CSGALNACT1: variants seen among roughly 807,000 people sequenced by gnomAD.
CSGALNACT1 encodes the protein chondroitin sulfate N-acetylgalactosaminyltransferase 1, also known as beta4GalNAcT-1.
A neutral mutation model predicts 51.0 loss-of-function variants in CSGALNACT1; 52 were observed. The ratio of observed to expected loss-of-function variants is 1.02; its 90% CI spans 0.82 to 1.29. The LOEUF is 1.29. Ranked by LOEUF, CSGALNACT1 falls within the 50% of genes most tolerant of loss-of-function variation. The pLI is 0.00. For missense variants in CSGALNACT1, 935 were observed against 679.2 expected (o/e 1.38, Z -4.19); for synonymous variants, 341 against 254.4 (o/e 1.34, Z -3.24).
intron 6 of CSGALNACT1, among the ~76,000 whole-genome samples, chr8:19,422,756 G>A (rs986865366): frequency 1.3e-5 from 2 of 152,302 alleles, no homozygotes; most frequent in East Asian, 3.9e-4. Context: ...GGTGTCTGCA[G>A]CCCCAGCTCC....
chr8:19,515,540 T>G (rs1425856347), intron 3 of CSGALNACT1, among the ~76,000 whole-genome samples: 1 of 152,114 alleles, frequency 6.6e-6, no homozygotes, highest in African/African-American at 2.4e-5. Flanking sequence ...AATAAACACA[T>G]AAGTGTAAAT....
In CSGALNACT1 at chr8:19,536,231, G is replaced by A. The variant is rs150961283; in HGVS notation, c.-296-30101C>T. Among the ~76,000 whole-genome samples the A allele has an allele frequency of 4.3e-3, 656 of 152,226 alleles. 3 individuals carry two copies. The highest frequency in any genetic ancestry group is 0.015 in the African/African-American group (623 of 41,532). ...ATCAATTTAACAAATATATCACTCT[G>A]GTTGGGAATGTTGTTAACAGGGGAG... On this transcript the variant is annotated intron_variant, in intron 3 of 9. Coordinates refer to ENST00000454498, the Ensembl canonical transcript of CSGALNACT1.
At chr8:19,419,399 T>C (rs1262760076) in intron 7 of CSGALNACT1, among the ~76,000 whole-genome samples, 3 of 152,200 alleles carry the variant, frequency 2.0e-5, no homozygotes, top group Admixed American at 2.0e-4. Context: ...TCTTAAATGG[T>C]TGACTTTGGG....
At chr8:19,685,986 G>T (rs952151721), upstream of CSGALNACT1, among the ~76,000 whole-genome samples, 18 of 152,182 alleles carry the variant, frequency 1.2e-4, no homozygotes, top group Admixed American at 9.8e-4. Context: ...AAACAATCGC[G>T]TAAGTACACA....
intron 6 of CSGALNACT1, among the ~76,000 whole-genome samples, chr8:19,435,159 C>G (rs1259432810): frequency 6.6e-6 from 1 of 152,182 alleles, no homozygotes; most frequent in East Asian, 1.9e-4. Flanking sequence ...TAAATGTCAA[C>G]TTACAATGTG....
At chr8:19,557,847 G>A (rs768332079) in intron 3 of CSGALNACT1, among the ~76,000 whole-genome samples, 5 of 152,114 alleles carry the variant, frequency 3.3e-5, no homozygotes, top group Admixed American at 1.3e-4. Context: ...TGTTCACCAC[G>A]CCATTCTTCT....
At chr8:19,605,301 T>A (rs2051210709), upstream of CSGALNACT1, among the ~76,000 whole-genome samples, 1 of 152,094 alleles carries the variant, frequency 6.6e-6, no homozygotes, top group South Asian at 2.1e-4. Flanking sequence ...CCGGGCATGG[T>A]GGCAGGCACC....
chr8:19,436,307 A>G (rs1307908810), intron 6 of CSGALNACT1, among the ~76,000 whole-genome samples: 2 of 152,148 alleles, frequency 1.3e-5, no homozygotes, highest in African/African-American at 4.8e-5. Context: ...AGGAGCGAGC[A>G]TATTAGAGTG....
intron 2 of CSGALNACT1, among the ~76,000 whole-genome samples, chr8:19,593,213 G>C (rs1026179589): frequency 1.3e-5 from 2 of 152,220 alleles, no homozygotes; most frequent in Non-Finnish European, 2.9e-5. Flanking sequence ...TCAATCAATA[G>C]TGTGATGGTA....
In CSGALNACT1 at chr8:19,513,415, A is replaced by ACTCTCTCTCT. The variant is rs1409555325; in HGVS notation, c.-296-7295_-296-7286dup. 4.2e-4 allele frequency among the ~76,000 whole-genome samples: 47 copies of ACTCTCTCTCT among 111,490 alleles called. 1 individual carries two copies. The highest frequency in any genetic ancestry group is 1.6e-3 in the African/African-American group (46 of 28,774). 73.1% of individuals were successfully genotyped at this position (111,490 alleles called of 152,430 possible). A position where few individuals can be genotyped will look rare whatever the true frequency, so the allele number is the denominator to read the frequency against. On this transcript the variant is annotated intron_variant, in intron 3 of 9. Transcript: ENST00000454498. Reference sequence around the variant, plus strand: ...CTGTTCATAGAATTTTCTCTCTCTCACTCTCTCTCTCTCTCTCTCTCTATA... The same window carrying ACTCTCTCTCT: ...CTGTTCATAGAATTTTCTCTCTCTCACTCTCTCTCTCTCTCTCTCTCTCTCTCTCTCTATA...
chr8:19,415,313 A>G (rs141714696), intron 8 of CSGALNACT1, among the ~76,000 whole-genome samples: 70 of 152,320 alleles, frequency 4.6e-4, no homozygotes, highest in African/African-American at 1.6e-3. Flanking sequence ...CCAGTAAAAA[A>G]CATAAGCATA....
rs189585675 is a variant in CSGALNACT1 at position 19,610,065 on chromosome 8, T to C, written c.-543-8200A>G. On this transcript the variant is annotated intron_variant, in intron 1 of 9. Transcript: ENST00000332246. ...GGTGAAACCCCGTCTCTACTAAAAA[T>C]ACAAAAGTTAGCCGGGCGTGGTTGA... 3.3e-5 allele frequency among the ~76,000 whole-genome samples: 5 copies of C among 151,576 alleles called. No homozygotes were observed. In the East Asian group the frequency reaches 7.8e-4, roughly 24 times the overall value.
chr8:19,607,949 G>C lies in CSGALNACT1; in HGVS notation c.-543-6084C>G, dbSNP rs535618477. On this transcript the variant is annotated intron_variant, in intron 1 of 9. Transcript: ENST00000332246. ...AAAATGCAGACAGCACTGAGACTTA[G>C]ATGTTAAGACTAGGGAAGAGAAGCT... is the stretch of plus-strand genomic sequence containing the variant. Among the ~76,000 whole-genome samples, 19 of 152,256 alleles carry C rather than the reference G, an allele frequency of 1.2e-4. No homozygotes were observed. In the South Asian group the frequency reaches 3.1e-3, roughly 25 times the overall value.
chr8:19,558,917 T>C (rs11996428), intron 3 of CSGALNACT1, among the ~76,000 whole-genome samples: 21,743 of 152,154 alleles, frequency 0.14, 2,143 homozygotes, highest in African/African-American at 0.28. Context: ...TTTCTCATTA[T>C]TAGCTAAACT....
At chr8:19,671,576 G>A (rs2059797346) in intron 1 of CSGALNACT1, among the ~76,000 whole-genome samples, 2 of 152,122 alleles carry the variant, frequency 1.3e-5, no homozygotes, top group African/African-American at 4.8e-5. Context: ...GGGACATATA[G>A]TGAGAAAAAC....
At chr8:19,442,184 AG>A in intron 5 of CSGALNACT1, among the ~76,000 whole-genome samples, 1 of 152,324 alleles carries the variant, frequency 6.6e-6, no homozygotes, top group South Asian at 2.1e-4. Flanking sequence ...ATCTAGAACT[AG>A]AAATACCGTT....
chr8:19,490,432 T>C (rs1416464797), intron 4 of CSGALNACT1, among the ~76,000 whole-genome samples: 1 of 152,104 alleles, frequency 6.6e-6, no homozygotes, highest in Non-Finnish European at 1.5e-5. Context: ...CCTTGAAAAC[T>C]CCTATTCATC....
At chr8:19,405,898 A>G in exon 10 of CSGALNACT1, 3 of 1,613,976 alleles carry the variant, frequency 1.9e-6, no homozygotes, top group Non-Finnish European at 2.5e-6. Context: ...CTTGGACTGC[A>G]TGCACATCTT....
At chr8:19,510,965 C>A (rs1051251297) in intron 3 of CSGALNACT1, among the ~76,000 whole-genome samples, 1 of 152,212 alleles carries the variant, frequency 6.6e-6, no homozygotes, top group Non-Finnish European at 1.5e-5. Flanking sequence ...TTTCACTCTG[C>A]AGATTTCAGT....
Sources: allele counts gnomAD v4.1 joint callset (sites outside exome capture counted in the v4.1 genomes callset), GRCh38; gene constraint gnomAD v4.1.1; transcripts MANE v1.5; gene names NCBI Gene and HGNC (gene_info 2026-07-23, HGNC 2026-07-21).